The following LAMC1 variants were observed in gnomAD, a reference collection of about 807,000 sequenced individuals.
LAMC1 encodes the protein laminin subunit gamma 1.
In LAMC1, 38 loss-of-function variants were observed where a neutral mutation model predicts 173.6. That is an observed-to-expected ratio of 0.22 (90% CI 0.17 to 0.29). The LOEUF (loss-of-function observed/expected upper bound fraction) is 0.29, where lower values mean the gene tolerates loss of function less well. Ranked by LOEUF, LAMC1 falls within the 10% of genes least tolerant of loss-of-function variation. LAMC1 has a pLI of 1.00. For synonymous variants in LAMC1, 746 were observed against 749.1 expected (o/e 1.00, Z 0.07); for missense variants, 1,824 against 2,051.8 (o/e 0.89, Z 2.14).
intron 1 of LAMC1, among the ~76,000 whole-genome samples, chr1:183,069,131 AC>A (rs1049103116): frequency 5.9e-5 from 9 of 152,184 alleles, no homozygotes; most frequent in African/African-American, 2.2e-4. Flanking sequence ...ATTGTGTATT[AC>A]AACAACATCT....
intron 1 of LAMC1, among the ~76,000 whole-genome samples, chr1:183,088,901 A>G (rs1197074117): frequency 6.6e-6 from 1 of 152,202 alleles, no homozygotes. Flanking sequence ...ACTGTAGGAT[A>G]TAGTTTGGAG....
chr1:183,033,883 G>C (rs906484267), intron 1 of LAMC1, among the ~76,000 whole-genome samples: 1 of 152,006 alleles, frequency 6.6e-6, no homozygotes, highest in African/African-American at 2.4e-5. Flanking sequence ...TTTTTTAGTA[G>C]AGATCGGGTT....
chr1:183,110,681 C>T (rs759313619), intron 4 of LAMC1, 27 bp downstream of exon 4: 12 of 1,609,716 alleles, frequency 7.5e-6, no homozygotes, highest in Non-Finnish European at 1.0e-5. Flanking sequence ...GTCAGTCTGT[C>T]AGTTGTCTTA....
At chr1:183,116,203 C>T (rs1393896352) in intron 6 of LAMC1, among the ~76,000 whole-genome samples, 3 of 151,186 alleles carry the variant, frequency 2.0e-5, no homozygotes, top group Non-Finnish European at 2.9e-5. Context: ...GTTGGCTGGG[C>T]GCCTGTGGCT....
intron 1 of LAMC1, among the ~76,000 whole-genome samples, chr1:183,072,232 T>G (rs910814178): frequency 2.6e-5 from 4 of 152,210 alleles, no homozygotes; most frequent in Non-Finnish European, 5.9e-5. Context: ...ATAGTGAGCT[T>G]CTGAGTATGG....
chr1:183,024,064 C>A lies in LAMC1; in HGVS notation c.348C>A (p.Thr116=). Residue 116 remains threonine, a synonymous_variant, in exon 1 of 28, where the codon ACC becomes ACA. Transcript: ENST00000258341. ...ACTACAACAACCAGGCCGACACCACCTGGTGGCAAAGCCAGACCATGCTGG... is the reference window on the plus strand; with the variant it reads ...ACTACAACAACCAGGCCGACACCACATGGTGGCAAAGCCAGACCATGCTGG... ...LTDYNNQADT[T]WWQSQTMLAG... 1 of 1,612,012 alleles carries A rather than the reference C, an allele frequency of 6.2e-7. No individual in the cohort carries two copies. Among genetic ancestry groups the A allele is most frequent in the Non-Finnish European group, 8.5e-7 (1 of 1,179,370 alleles).
chr1:183,144,140 C>G lies in LAMC1; in HGVS notation c.*1350C>G, dbSNP rs1268407319. ...GTGACAGTTCCCTGCCACACACCCC[C>G]TTCCTCCTACCAACCCACCTTTGAG... On this transcript the variant is annotated 3_prime_UTR_variant, in exon 28 of 28. Coordinates refer to ENST00000258341, the MANE Select transcript of LAMC1 (RefSeq NM_002293.4). The G allele has an allele frequency of 6.6e-6, 1 of 152,574 alleles. No individual in the cohort carries two copies. Among genetic ancestry groups the G allele is most frequent in the East Asian group, 1.9e-4 (1 of 5,184 alleles). The allele number at this position is 152,574 out of a possible 1,614,324, so 9.5% of individuals were successfully genotyped here.
chr1:183,094,789 T>C (rs1655651298), intron 1 of LAMC1, among the ~76,000 whole-genome samples: 1 of 152,170 alleles, frequency 6.6e-6, no homozygotes, highest in South Asian at 2.1e-4. Flanking sequence ...ACCAAGTTTA[T>C]TAGGAATGAA....
rs532514428 is a variant in LAMC1 at position 183,142,206 on chromosome 1, T to G, written c.4574-328T>G. Among the ~76,000 whole-genome samples, 4 of 152,318 alleles carry G rather than the reference T, an allele frequency of 2.6e-5. No individual in the cohort carries two copies. In the East Asian group the frequency reaches 5.8e-4, roughly 22 times the overall value. ...TACATGTATACACCTGGAAAAGGTA[T>G]TAAATGTTATCAGATGGCCCTCAAA... On this transcript the variant is annotated intron_variant, in intron 27 of 27. Coordinates refer to ENST00000258341, the MANE Select transcript of LAMC1 (RefSeq NM_002293.4).
intron 5 of LAMC1, 92 bp from the exon 6 acceptor site, chr1:183,115,428 C>T (rs1656288859): frequency 1.2e-6 from 1 of 856,208 alleles, no homozygotes; most frequent in African/African-American, 1.7e-5. Flanking sequence ...TCAGGCATTG[C>T]TTTTAATTAC....
At chr1:183,099,768 T>C (rs1375916843) in intron 1 of LAMC1, among the ~76,000 whole-genome samples, 1 of 152,112 alleles carries the variant, frequency 6.6e-6, no homozygotes, top group East Asian at 1.9e-4. Flanking sequence ...GTCCCAAGTC[T>C]CTGTCTCTAA....
chr1:183,143,668 T>C lies in LAMC1; in HGVS notation c.*878T>C, dbSNP rs1207730356. The C allele has an allele frequency of 6.6e-6, 1 of 152,286 alleles. No individual in the cohort carries two copies. The highest frequency in any genetic ancestry group is 6.5e-5 in the Admixed American group (1 of 15,278). The allele number at this position is 152,286 out of a possible 1,614,324, so 9.4% of individuals were successfully genotyped here. On this transcript the variant is annotated 3_prime_UTR_variant, in exon 28 of 28. Coordinates refer to ENST00000258341, the MANE Select transcript of LAMC1 (RefSeq NM_002293.4). ...ATCAAACTAATTCTTACAGCTTTTT[T>C]ATTAGTTAGTCTTGGAACTAGTGTT...
At chr1:183,127,500 T>A (rs1351479504) in intron 17 of LAMC1, 96 bp downstream of exon 17, 6 of 1,025,410 alleles carry the variant, frequency 5.9e-6, no homozygotes, top group Non-Finnish European at 8.8e-6. Flanking sequence ...GTGAACAAGG[T>A]AGATGTGGTC....
chr1:183,088,202 G>A (rs1655480607), intron 1 of LAMC1, among the ~76,000 whole-genome samples: 1 of 152,178 alleles, frequency 6.6e-6, no homozygotes, highest in Admixed American at 6.5e-5. Flanking sequence ...AGCCTTGAAA[G>A]GCATCATCAT....
chr1:183,107,434 A>C (rs747517784), intron 2 of LAMC1, among the ~76,000 whole-genome samples: 3 of 152,172 alleles, frequency 2.0e-5, no homozygotes, highest in Non-Finnish European at 4.4e-5. Flanking sequence ...ACAACATCCT[A>C]TTGGTTCAAG....
chr1:183,124,065 C>T (rs1174270187), intron 13 of LAMC1, among the ~76,000 whole-genome samples: 1 of 152,186 alleles, frequency 6.6e-6, no homozygotes. Flanking sequence ...TACTTATCCT[C>T]TCTGTTCTCT....
intron 1 of LAMC1, among the ~76,000 whole-genome samples, chr1:183,060,046 G>A (rs1041861142): frequency 2.6e-5 from 4 of 152,224 alleles, no homozygotes; most frequent in Non-Finnish European, 5.9e-5. Flanking sequence ...GTGATAGTAG[G>A]GAGGGCTCTG....
At position 183,114,460 on chromosome 1, in the gene LAMC1, G is replaced by A. The variant is rs531552925; in HGVS notation, c.1022-71G>A. 922 of 1,440,816 alleles carry A rather than the reference G, an allele frequency of 6.4e-4. 4 individuals are homozygous for A. The Middle Eastern group carries it at 0.01, about 16-fold the overall frequency. 89.3% of individuals were successfully genotyped at this position (1,440,816 alleles called of 1,614,324 possible). On this transcript the variant is annotated intron_variant, in intron 4 of 27. Transcript: ENST00000258341. ...CTCAGAGATGTGGGAAATTATGTTT[G>A]GTTTTAAGTCTTAAAATGCTCTTCT...
chr1:183,060,768 G>A (rs1654725345), intron 1 of LAMC1, among the ~76,000 whole-genome samples: 1 of 152,204 alleles, frequency 6.6e-6, no homozygotes, highest in African/African-American at 2.4e-5. Flanking sequence ...AAAAGCAGAA[G>A]TAGAGAAGTT....
Sources: allele counts gnomAD v4.1 joint callset (sites outside exome capture counted in the v4.1 genomes callset), GRCh38; gene constraint gnomAD v4.1.1; transcripts MANE v1.5; gene names NCBI Gene and HGNC (gene_info 2026-07-23, HGNC 2026-07-21).